Variants in IRF2 observed in about 807,000 individuals in gnomAD.
The protein encoded by IRF2 is interferon regulatory factor 2.
In IRF2, 15 loss-of-function variants were observed where a neutral mutation model predicts 40.6. The observed-to-expected ratio is 0.37, with a 90% CI of 0.25 to 0.57. The LOEUF is 0.57. Among genes scored for constraint, IRF2 ranks in the 20% least tolerant of loss-of-function variants. The pLI is 0.77. For synonymous variants in IRF2, 151 were observed against 165.5 expected, an observed-to-expected ratio of 0.91 and a Z score of 0.67; for missense variants, 317 against 455.7, an observed-to-expected ratio of 0.70 and a Z score of 2.77.
chr4:184,398,107 A>G (rs1736531668), intron 7 of IRF2, among the ~76,000 whole-genome samples: 1 of 152,174 alleles, frequency 6.6e-6, no homozygotes, highest in Non-Finnish European at 1.5e-5. Context: ...GATGGAATGG[A>G]TCTAGCAATG....
rs1738580276 is a variant in IRF2 at position 184,448,097 on chromosome 4, C to A, written c.-6-19027G>T. Among the ~76,000 whole-genome samples, 1 of 152,130 alleles carries A rather than the reference C, an allele frequency of 6.6e-6. No homozygotes were observed. The highest frequency in any genetic ancestry group is 2.1e-4 in the South Asian group (1 of 4,818). Reference sequence around the variant, plus strand: ...TCTCCAAAGATGTAGAAAAATAATTCTTTGTACTATTGTTAAACTGTGGTG... The same window carrying A: ...TCTCCAAAGATGTAGAAAAATAATTATTTGTACTATTGTTAAACTGTGGTG... On this transcript the variant is annotated intron_variant, in intron 1 of 8. Coordinates refer to ENST00000393593, the MANE Select transcript of IRF2 (RefSeq NM_002199.4). This position sits in a 1 kb window ranked among gnomAD's most constrained non-coding sequence, Gnocchi z 4.3.
intron 2 of IRF2, among the ~76,000 whole-genome samples, chr4:184,425,334 TA>T (rs548878132): frequency 6.6e-6 from 1 of 152,134 alleles, no homozygotes; most frequent in African/African-American, 2.4e-5. Flanking sequence ...CGGAAACCTA[TA>T]AAAAAATGCC....
intron 5 of IRF2, among the ~76,000 whole-genome samples, chr4:184,415,375 T>G (rs1737229919): frequency 6.6e-6 from 1 of 152,206 alleles, no homozygotes; most frequent in African/African-American, 2.4e-5. Flanking sequence ...TCTCACTTAC[T>G]TCCCTGGGCC....
At chr4:184,445,572 T>G (rs1053759920) in intron 1 of IRF2, among the ~76,000 whole-genome samples, 2 of 151,186 alleles carry the variant, frequency 1.3e-5, no homozygotes, top group Non-Finnish European at 2.9e-5. Flanking sequence ...GGAGAATCGC[T>G]TGAACCCTGG....
At chr4:184,423,537 C>T (rs753342824) in intron 2 of IRF2, among the ~76,000 whole-genome samples, 4 of 152,078 alleles carry the variant, frequency 2.6e-5, no homozygotes, top group Admixed American at 6.5e-5. Flanking sequence ...TACACAAACA[C>T]AAGTCTACTC....
chr4:184,423,037 T>G lies in IRF2; in HGVS notation c.88-3469A>C, dbSNP rs539940337. Among the ~76,000 whole-genome samples the G allele has an allele frequency of 3.3e-5, 5 of 152,376 alleles. No individual in the cohort carries two copies. The East Asian group carries it at 9.6e-4, about 29-fold the overall frequency. ...ATCTTTAAAATTGTATCACAGATTC[T>G]TTTTTTGAAGAAGACCATATGAAAA... On this transcript the variant is annotated intron_variant, in intron 2 of 8. Transcript: ENST00000393593.
rs759285651 is a variant in IRF2 at position 184,408,216 on chromosome 4, C to T, written c.471G>A (p.Glu157=). The T allele has an allele frequency of 6.2e-7, 1 of 1,613,650 alleles. No homozygotes were observed. Among genetic ancestry groups the T allele is most frequent in the Non-Finnish European group, 8.5e-7 (1 of 1,179,494 alleles). Residue 157 remains glutamate (E), a synonymous_variant, in exon 6 of 9, where the codon GAG becomes GAA. Coordinates refer to ENST00000393593, the MANE Select transcript of IRF2 (RefSeq NM_002199.4). The surrounding 1 kb of genome is among the most constrained non-coding windows in gnomAD (Gnocchi z 4.9). ...TTATAGTTGAAGTCAGGACCGCATA[C>T]TCAGGAGAAAGATCACTTACTCCAT... ...LSNGVSDLSP[E]YAVLTSTIKN...
In IRF2 at chr4:184,439,333, C is replaced by T. The variant is rs1025382080; in HGVS notation, c.-6-10263G>A. 1.2e-3 allele frequency among the ~76,000 whole-genome samples: 154 copies of T among 128,878 alleles called. 3 individuals carry two copies. The highest frequency in any genetic ancestry group is 7.2e-4 in the Non-Finnish European group (44 of 61,076). The allele number at this position is 128,878 out of a possible 152,430, so 84.5% of individuals were successfully genotyped here. On this transcript the variant is annotated intron_variant, in intron 1 of 8. Transcript: ENST00000393593. ...AACTTTAAAAAAAAAAAAAAAAAAG[C>T]GGGGCGGAGCGGGGGTACTTAAAAA... is the stretch of plus-strand genomic sequence containing the variant.
intron 6 of IRF2, among the ~76,000 whole-genome samples, chr4:184,402,317 C>G (rs1436630071): frequency 6.6e-6 from 1 of 152,134 alleles, no homozygotes; most frequent in Non-Finnish European, 1.5e-5. Flanking sequence ...CAGCATTCAC[C>G]ATGCCCCTGA....
At chr4:184,389,911 G>A (rs779348166) in intron 8 of IRF2, among the ~76,000 whole-genome samples, 1 of 152,242 alleles carries the variant, frequency 6.6e-6, no homozygotes, top group Non-Finnish European at 1.5e-5. Context: ...ACGGTGTACA[G>A]CAAGCAGCGG....
chr4:184,388,469 T>A lies in IRF2; in HGVS notation c.*289A>T, dbSNP rs1258872636. ...GGCATCCACTCCACCTTGCTGGCCT[T>A]GACCGCAGGCAATGCAGCACCTCCA... is the stretch of plus-strand genomic sequence containing the variant. On this transcript the variant is annotated 3_prime_UTR_variant, in exon 9 of 9. Transcript: ENST00000393593. This position sits in a 1 kb window ranked among gnomAD's most constrained non-coding sequence, Gnocchi z 4.6. 7.2e-6 allele frequency: 3 copies of A among 415,558 alleles called. No homozygotes were observed. Among genetic ancestry groups the A allele is most frequent in the Middle Eastern group, 6.2e-4 (1 of 1,602 alleles). The allele number at this position is 415,558 out of a possible 1,614,324, so 25.7% of individuals were successfully genotyped here.
chr4:184,454,369 C>CACTA (rs1326550195), intron 1 of IRF2, among the ~76,000 whole-genome samples: 1 of 152,202 alleles, frequency 6.6e-6, no homozygotes, highest in African/African-American at 2.4e-5. Flanking sequence ...TAAACTTACG[C>CACTA]ACTACAGTTT....
intron 2 of IRF2, 168 bp downstream of exon 2, chr4:184,428,810 A>C: frequency 1.5e-6 from 1 of 651,112 alleles, no homozygotes; most frequent in Non-Finnish European, 2.8e-6. Flanking sequence ...AAAAGAAAAA[A>C]AGCCTTTGAG....
intron 1 of IRF2, among the ~76,000 whole-genome samples, chr4:184,455,198 CCTT>C (rs1347168773): frequency 2.0e-5 from 3 of 149,922 alleles, no homozygotes; most frequent in Non-Finnish European, 3.0e-5. Context: ...ATTCCCTCCA[CCTT>C]CTTCTTCTAA....
intron 1 of IRF2, among the ~76,000 whole-genome samples, chr4:184,431,396 A>AC (rs1737872558): frequency 6.6e-6 from 1 of 152,220 alleles, no homozygotes; most frequent in South Asian, 2.1e-4. Context: ...GAAGGGAGGT[A>AC]CCATGCCCCA....
intron 1 of IRF2, among the ~76,000 whole-genome samples, chr4:184,447,842 C>T (rs1338361353): frequency 6.6e-6 from 1 of 152,190 alleles, no homozygotes; most frequent in Non-Finnish European, 1.5e-5. Flanking sequence ...ATGAAGGAGG[C>T]AGGGCACCGA....
At chr4:184,404,241 T>C (rs921706752) in intron 6 of IRF2, among the ~76,000 whole-genome samples, 17 of 152,140 alleles carry the variant, frequency 1.1e-4, no homozygotes, top group African/African-American at 4.1e-4. Context: ...CTAGCAGGCA[T>C]AAAAAATCAG....
intron 2 of IRF2, chr4:184,428,594 T>G: frequency 2.5e-6 from 1 of 403,174 alleles, no homozygotes; most frequent in South Asian, 1.8e-5. Flanking sequence ...GCCCAGGAGT[T>G]CAAGACCAGC....
rs1441858967 is a variant in IRF2, at chr4:184,408,810, C to T, written c.412-535G>A. ...TGCCATGGCCTCTGGCCACCTGAGG[C>T]CCTGCATTGGATGGCTGGCTGATCA... On this transcript the variant is annotated intron_variant, in intron 5 of 8. Coordinates refer to ENST00000393593, the MANE Select transcript of IRF2 (RefSeq NM_002199.4). The surrounding 1 kb of genome is among the most constrained non-coding windows in gnomAD (Gnocchi z 4.9). 6.6e-6 allele frequency among the ~76,000 whole-genome samples: 1 copy of T among 152,204 alleles called. No homozygotes were observed. Among genetic ancestry groups the T allele is most frequent in the East Asian group, 1.9e-4 (1 of 5,196 alleles).
Sources: allele counts gnomAD v4.1 joint callset (sites outside exome capture counted in the v4.1 genomes callset), GRCh38; gene constraint gnomAD v4.1.1; non-coding constraint Gnocchi (gnomAD v3.1); transcripts MANE v1.5; gene names NCBI Gene and HGNC (gene_info 2026-07-23, HGNC 2026-07-21).